PSMB7: variants seen among roughly 807,000 people sequenced by gnomAD.
PSMB7 encodes the protein proteasome subunit beta type-7.
Under a neutral mutation model 28.1 loss-of-function variants are expected in PSMB7, and 5 were observed. That is an observed-to-expected ratio of 0.18 (90% CI 0.09 to 0.37). The LOEUF (loss-of-function observed/expected upper bound fraction) is 0.37. PSMB7 is among the 10% of genes least tolerant of loss of function. The probability of loss-of-function intolerance (pLI) is 1.00; values close to 1 mark genes in which losing one functional copy is unlikely to be tolerated. For missense variants in PSMB7, 275 were observed against 346.2 expected (o/e 0.79, Z 1.63); for synonymous variants, 122 against 123.7 (o/e 0.99, Z 0.09).
rs533627840 is a variant in PSMB7, at chr9:124,363,038, A to G, written c.571-6123T>C. ...AGAGAGGATGAAAATTCTGAACATC[A>G]GGGGTCCGCCCTACACCTTCTCCAT... is the stretch of plus-strand genomic sequence containing the variant. On this transcript the variant is annotated intron_variant, in intron 6 of 7. Coordinates refer to ENST00000259457, the MANE Select transcript of PSMB7 (RefSeq NM_002799.4). Among the ~76,000 whole-genome samples the G allele has an allele frequency of 2.6e-4, 40 of 152,314 alleles. 4 individuals carry two copies. The highest frequency in any genetic ancestry group is 2.5e-3 in the South Asian group (12 of 4,816).
intron 5 of PSMB7, among the ~76,000 whole-genome samples, chr9:124,390,819 T>C (rs915330701): frequency 1.3e-5 from 2 of 152,222 alleles, no homozygotes. Flanking sequence ...AAGACTTTGC[T>C]AGCTGTCACA....
chr9:124,397,686 ACAAT>A (rs1286822330), intron 5 of PSMB7, among the ~76,000 whole-genome samples: 2 of 152,252 alleles, frequency 1.3e-5, no homozygotes, highest in African/African-American at 2.4e-5. Flanking sequence ...TAAAAAACTC[ACAAT>A]CTAACTAAAA....
chr9:124,379,975 T>C (rs1344045311), intron 6 of PSMB7, among the ~76,000 whole-genome samples: 1 of 152,244 alleles, frequency 6.6e-6, no homozygotes, highest in African/African-American at 2.4e-5. Context: ...TCATGGCCCC[T>C]GCCCTCAAGG....
At position 124,408,324 on chromosome 9, in the gene PSMB7, CTA is replaced by C. The variant is rs1830989233; in HGVS notation, c.396-2894_396-2893del. Among the ~76,000 whole-genome samples the C allele has an allele frequency of 6.6e-5, 10 of 152,280 alleles. No individual in the cohort carries two copies. The South Asian group carries it at 1.9e-3, about 28-fold the overall frequency. On this transcript the variant is annotated intron_variant, in intron 4 of 7. Transcript: ENST00000259457. Reference sequence around the variant, plus strand: ...AAAACTAAATAAATGTGCATTTATTCTAGAATACAGGCTAAGGAATTAAATCA... The same window carrying C: ...AAAACTAAATAAATGTGCATTTATTCGAATACAGGCTAAGGAATTAAATCA...
Position 124,353,602 on chromosome 9 carries a change from G to T in PSMB7, c.830C>A (p.Ser277Tyr), listed in dbSNP as rs140568632. Residue 277 changes from serine to tyrosine, a missense_variant, in exon 8 of 8, where the codon TCC becomes TAC. Coordinates refer to ENST00000259457, the MANE Select transcript of PSMB7 (RefSeq NM_002799.4). ...CCAGCCACCCACTGATGCCATTCAG[G>T]AAGTGTCCATTGTTTGGACTGTTTC... ...LEETVQTMDT[S>Y] 131 of 1,609,530 alleles carry T rather than the reference G, an allele frequency of 8.1e-5. No individual in the cohort carries two copies. Among genetic ancestry groups the T allele is most frequent in the Non-Finnish European group, 1.1e-4 (128 of 1,176,094 alleles).
intron 5 of PSMB7, among the ~76,000 whole-genome samples, chr9:124,402,005 C>A (rs1056661557): frequency 1.4e-5 from 2 of 141,608 alleles, no homozygotes; most frequent in Non-Finnish European, 3.1e-5. Context: ...GGTGACAGTG[C>A]GAGACTCAGT....
chr9:124,394,563 G>A (rs1423218128), intron 5 of PSMB7, among the ~76,000 whole-genome samples: 3 of 152,086 alleles, frequency 2.0e-5, no homozygotes, highest in African/African-American at 7.2e-5. Context: ...AGACTTTGTG[G>A]TAAAATGTCA....
At chr9:124,358,148 A>G (rs1427573326) in intron 6 of PSMB7, among the ~76,000 whole-genome samples, 1 of 152,182 alleles carries the variant, frequency 6.6e-6, no homozygotes, top group African/African-American at 2.4e-5. Flanking sequence ...CCTTGGAGAA[A>G]CACGGACTCC....
chr9:124,413,850 A>C (rs1564688494), intron 3 of PSMB7, 58 bp downstream of exon 3: 2 of 1,282,468 alleles, frequency 1.6e-6, no homozygotes, highest in Non-Finnish European at 2.2e-6. Flanking sequence ...AGGAAGGTCA[A>C]TTTTTAGCCC....
chr9:124,381,132 C>A (rs1830660561), intron 6 of PSMB7, among the ~76,000 whole-genome samples: 1 of 152,166 alleles, frequency 6.6e-6, no homozygotes, highest in Non-Finnish European at 1.5e-5. Context: ...CGCTCGATAA[C>A]CACGTAAGGT....
intron 5 of PSMB7, among the ~76,000 whole-genome samples, chr9:124,393,598 C>T (rs145705952): frequency 1.3e-5 from 2 of 152,320 alleles, no homozygotes; most frequent in East Asian, 1.9e-4. Flanking sequence ...AAACGGAGTT[C>T]CTTTTCTAAA....
intron 4 of PSMB7, among the ~76,000 whole-genome samples, chr9:124,406,273 T>A (rs1311928283): frequency 6.6e-6 from 1 of 151,686 alleles, no homozygotes; most frequent in African/African-American, 2.4e-5. Flanking sequence ...GAGGCTGAGG[T>A]GGGCAAATCA....
chr9:124,388,792 T>C (rs3780199), intron 5 of PSMB7, among the ~76,000 whole-genome samples: 11,339 of 152,198 alleles, frequency 0.075, 1,032 homozygotes, highest in East Asian at 0.46. Flanking sequence ...ACAGAGCACA[T>C]GGCAGTCCAC....
intron 5 of PSMB7, among the ~76,000 whole-genome samples, chr9:124,395,176 G>A (rs1279151379): frequency 6.6e-6 from 1 of 152,132 alleles, no homozygotes; most frequent in East Asian, 1.9e-4. Context: ...ACAGCTAAAT[G>A]AATGTTAGAC....
chr9:124,390,741 T>G (rs1258854293), intron 5 of PSMB7, among the ~76,000 whole-genome samples: 3 of 152,172 alleles, frequency 2.0e-5, no homozygotes, highest in South Asian at 2.1e-4. Flanking sequence ...TAATAGCAAT[T>G]TTTTAAGGTA....
intron 6 of PSMB7, among the ~76,000 whole-genome samples, chr9:124,375,721 T>C (rs1217734422): frequency 2.0e-5 from 3 of 152,234 alleles, no homozygotes; most frequent in African/African-American, 7.2e-5. Context: ...TCGAGGTTTT[T>C]TTGGTTTAAT....
intron 5 of PSMB7, among the ~76,000 whole-genome samples, chr9:124,397,443 T>C (rs1830854007): frequency 6.6e-6 from 1 of 152,168 alleles, no homozygotes; most frequent in Admixed American, 6.5e-5. Context: ...TCAATGCAGA[T>C]CAGCTGTGCC....
At chr9:124,373,672 A>G (rs145942415) in intron 6 of PSMB7, among the ~76,000 whole-genome samples, 2 of 152,374 alleles carry the variant, frequency 1.3e-5, no homozygotes, top group African/African-American at 4.8e-5. Context: ...ACAATAAGAT[A>G]CCAAGTCACA....
intron 6 of PSMB7, among the ~76,000 whole-genome samples, chr9:124,362,833 C>G (rs1225848381): frequency 6.6e-6 from 1 of 152,156 alleles, no homozygotes; most frequent in Non-Finnish European, 1.5e-5. Context: ...TAAGTATATA[C>G]AGTTTTTATT....
Sources: allele counts gnomAD v4.1 joint callset (sites outside exome capture counted in the v4.1 genomes callset), GRCh38; gene constraint gnomAD v4.1.1; transcripts MANE v1.5; gene names NCBI Gene and HGNC (gene_info 2026-07-23, HGNC 2026-07-21).